BANK1: variants seen among roughly 807,000 people sequenced by gnomAD.
The protein encoded by BANK1 is B cell scaffold protein with ankyrin repeats 1.
In BANK1, 95 loss-of-function variants were observed where a neutral mutation model predicts 94.5. The ratio of observed to expected loss-of-function variants is 1.00; its 90% CI spans 0.85 to 1.19. The LOEUF (loss-of-function observed/expected upper bound fraction) is 1.19, where lower values mean the gene tolerates loss of function less well. Ranked by LOEUF, BANK1 falls within the 50% of genes most tolerant of loss-of-function variation. BANK1 has a pLI of 0.00. For missense variants in BANK1, 987 were observed against 932.2 expected (o/e 1.06, Z -0.77); for synonymous variants, 334 against 308.4 (o/e 1.08, Z -0.87).
chr4:101,983,949 GA>G (rs949851661), intron 7 of BANK1, among the ~76,000 whole-genome samples: 9 of 151,690 alleles, frequency 5.9e-5, no homozygotes, highest in African/African-American at 1.7e-4. Flanking sequence ...AAGTGCACAA[GA>G]AAAAAAATTC....
intron 5 of BANK1, among the ~76,000 whole-genome samples, chr4:101,891,312 A>G (rs1041929957): frequency 6.6e-6 from 1 of 152,202 alleles, no homozygotes; most frequent in Middle Eastern, 3.4e-3. Flanking sequence ...CACTTGACAA[A>G]TATTTTGCCA....
intron 10 of BANK1, among the ~76,000 whole-genome samples, chr4:102,036,104 T>G (rs1727506807): frequency 6.6e-6 from 1 of 152,274 alleles, no homozygotes; most frequent in African/African-American, 2.4e-5. Context: ...ACAAAGATCT[T>G]TCTTCAGAAT....
At chr4:101,831,585 G>C (rs1033156379) in intron 2 of BANK1, among the ~76,000 whole-genome samples, 1 of 151,936 alleles carries the variant, frequency 6.6e-6, no homozygotes, top group Non-Finnish European at 1.5e-5. Context: ...AGCAATTCTC[G>C]TGCCTCAGCC....
At chr4:102,054,364 A>T (rs2148960977) in intron 11 of BANK1, among the ~76,000 whole-genome samples, 1 of 152,190 alleles carries the variant, frequency 6.6e-6, no homozygotes, top group East Asian at 1.9e-4. Context: ...CACATTACAT[A>T]TATTAGCTCC....
chr4:102,020,106 T>C (rs1057242025), intron 7 of BANK1, among the ~76,000 whole-genome samples: 1 of 152,150 alleles, frequency 6.6e-6, no homozygotes, highest in African/African-American at 2.4e-5. Flanking sequence ...ATGCCCAAGC[T>C]TGTGAATAAT....
intron 10 of BANK1, among the ~76,000 whole-genome samples, chr4:102,041,019 C>G (rs1384504931): frequency 1.3e-5 from 2 of 152,012 alleles, no homozygotes; most frequent in African/African-American, 4.8e-5. Flanking sequence ...TTTTTGGTTA[C>G]AATACATTTA....
At chr4:101,791,621 AAT>A (rs552060089) in intron 1 of BANK1, among the ~76,000 whole-genome samples, 9 of 152,244 alleles carry the variant, frequency 5.9e-5, no homozygotes, top group Non-Finnish European at 1.2e-4. Flanking sequence ...GTGATATAAA[AAT>A]GTTTTTTAAA....
At chr4:102,020,226 T>C (rs998099277) in intron 7 of BANK1, among the ~76,000 whole-genome samples, 1 of 152,100 alleles carries the variant, frequency 6.6e-6, no homozygotes, top group Admixed American at 6.5e-5. Context: ...GTTTTCAAAA[T>C]ATATTTTTGA....
At chr4:101,827,877 C>T (rs1726425748) in intron 1 of BANK1, among the ~76,000 whole-genome samples, 1 of 151,708 alleles carries the variant, frequency 6.6e-6, no homozygotes, top group Non-Finnish European at 1.5e-5. Flanking sequence ...CAAAAAGATA[C>T]ATTTATATTA....
chr4:101,873,524 C>T (rs533256049), intron 5 of BANK1, among the ~76,000 whole-genome samples: 206 of 152,070 alleles, frequency 1.4e-3, no homozygotes, highest in Middle Eastern at 0.01. Context: ...AAAAAAACTG[C>T]GCATATAGCA....
At chr4:101,963,065 A>C (rs970893521) in intron 7 of BANK1, among the ~76,000 whole-genome samples, 1 of 152,054 alleles carries the variant, frequency 6.6e-6, no homozygotes, top group Admixed American at 6.6e-5. Flanking sequence ...ATATATGATG[A>C]TTTTTTAATT....
intron 7 of BANK1, among the ~76,000 whole-genome samples, chr4:101,999,258 G>A (rs922757396): frequency 2.0e-5 from 3 of 152,106 alleles, no homozygotes; most frequent in African/African-American, 7.2e-5. Context: ...ATTATTTTGT[G>A]AAAATTCCTT....
At chr4:101,876,646 A>T (rs1463416309) in intron 5 of BANK1, among the ~76,000 whole-genome samples, 2 of 152,194 alleles carry the variant, frequency 1.3e-5, no homozygotes, top group Non-Finnish European at 2.9e-5. Flanking sequence ...AGACATAGGC[A>T]AACATCTATA....
chr4:102,035,007 C>G (rs1209299827), intron 10 of BANK1, among the ~76,000 whole-genome samples: 2 of 152,142 alleles, frequency 1.3e-5, no homozygotes, highest in African/African-American at 2.4e-5. Context: ...AAGATCAGTG[C>G]TGAATTCATA....
At chr4:101,856,200 A>T (rs1727674442) in intron 3 of BANK1, among the ~76,000 whole-genome samples, 1 of 151,832 alleles carries the variant, frequency 6.6e-6, no homozygotes, top group Non-Finnish European at 1.5e-5. Context: ...CCTCACCCTC[A>T]CTCTCTAGAC....
Position 101,922,055 on chromosome 4 carries a change from T to TGTGTGTGA in BANK1, c.1206+3867_1206+3868insTGTGTGAG, listed in dbSNP as rs1491163025. ...GTGTGTGTGTGTGTGTGTGTGTGTG[T>TGTGTGTGA]GAGACAGAGAGATTTTGTTGCCCTC... On this transcript the variant is annotated intron_variant, in intron 7 of 16. Coordinates refer to ENST00000322953, the MANE Select transcript of BANK1 (RefSeq NM_017935.5). 1.2e-3 allele frequency among the ~76,000 whole-genome samples: 180 copies of TGTGTGTGA among 144,360 alleles called. 1 individual carries two copies. Among genetic ancestry groups the TGTGTGTGA allele is most frequent in the African/African-American group, 4.5e-3 (177 of 39,326 alleles). The allele number at this position is 144,360 out of a possible 152,430, so 94.7% of individuals were successfully genotyped here.
At chr4:101,823,798 G>A (rs1726264070) in intron 1 of BANK1, among the ~76,000 whole-genome samples, 1 of 152,142 alleles carries the variant, frequency 6.6e-6, no homozygotes, top group African/African-American at 2.4e-5. Flanking sequence ...AATTTTTGCT[G>A]GTTGTTCTTC....
intron 6 of BANK1, among the ~76,000 whole-genome samples, chr4:101,916,730 A>T (rs1318912337): frequency 6.6e-6 from 1 of 152,040 alleles, no homozygotes; most frequent in Non-Finnish European, 1.5e-5. Flanking sequence ...TTCTATTCTC[A>T]TGAAATTACT....
At chr4:101,936,376 CATACAT>C in intron 7 of BANK1, among the ~76,000 whole-genome samples, 1 of 149,464 alleles carries the variant, frequency 6.7e-6, no homozygotes, top group Admixed American at 6.7e-5. Context: ...TATATGTGTG[CATACAT>C]GCATACATGC....
Sources: gnomAD v4.1 joint callset for allele counts (sites outside exome capture counted in the v4.1 genomes callset) on GRCh38, gnomAD v4.1.1 for gene constraint, MANE v1.5 for transcripts, NCBI Gene and HGNC (gene_info 2026-07-23, HGNC 2026-07-21) for gene names.